The following SZT2 variants were observed in gnomAD, a reference collection of about 807,000 sequenced individuals.
SZT2 encodes the protein KICSTOR complex protein SZT2.
Under a neutral mutation model 404.2 loss-of-function variants are expected in SZT2, and 216 were observed. The ratio of observed to expected loss-of-function variants is 0.53; its 90% confidence interval spans 0.48 to 0.60. The LOEUF (loss-of-function observed/expected upper bound fraction) is 0.60, where lower values mean the gene tolerates loss of function less well. Ranked by LOEUF, SZT2 falls within the 20% of genes least tolerant of loss-of-function variation. The pLI is 0.00. For synonymous variants in SZT2, 1,693 were observed against 1,749.9 expected (o/e 0.97, Z 0.81); for missense variants, 3,857 against 4,459.2 (o/e 0.86, Z 3.85).
intron 1 of SZT2, among the ~76,000 whole-genome samples, chr1:43,399,771 A>AT (rs911807615): frequency 2.0e-5 from 3 of 151,234 alleles, no homozygotes; most frequent in African/African-American, 7.3e-5. Context: ...ACCAGAGGGA[A>AT]TTTTTTTTAA....
intron 1 of SZT2, among the ~76,000 whole-genome samples, 197 bp from the exon 2 acceptor site, chr1:43,402,980 G>A (rs925695969): frequency 1.3e-5 from 2 of 152,078 alleles, no homozygotes; most frequent in African/African-American, 4.8e-5. Context: ...GGTCTGTATC[G>A]GGCAAACAGG....
chr1:43,404,241 T>A, intron 3 of SZT2, 139 bp from the exon 4 acceptor site: 2 of 716,250 alleles, frequency 2.8e-6, no homozygotes, highest in South Asian at 4.1e-5. Context: ...CCCCAGAAAC[T>A]GTTCCATGTG....
At chr1:43,447,317 C>T (rs1655794697) in intron 66 of SZT2, 149 bp downstream of exon 66, 2 of 1,124,760 alleles carry the variant, frequency 1.8e-6, no homozygotes, top group Admixed American at 2.3e-5. Flanking sequence ...ATGTTTCTGT[C>T]CTGTGTCTGT....
chr1:43,453,068 G>T lies in SZT2; in HGVS notation c.*2588G>T. The T allele has an allele frequency of 1.0e-6, 1 of 956,890 alleles. No individual in the cohort carries two copies. Among genetic ancestry groups the T allele is most frequent in the Non-Finnish European group, 1.7e-6 (1 of 602,360 alleles). The allele number at this position is 956,890 out of a possible 1,614,324, so 59.3% of individuals were successfully genotyped here. ...TTCTCTGATCCAGACAGGGTTAGGT[G>T]CCTACCCTGCTCCCACAGCTTCCTG... On this transcript the variant is annotated 3_prime_UTR_variant, in exon 72 of 72. Transcript: ENST00000634258.
At chr1:43,391,777 A>T (rs1648356350) in intron 1 of SZT2, among the ~76,000 whole-genome samples, 1 of 144,654 alleles carries the variant, frequency 6.9e-6, no homozygotes, top group African/African-American at 2.6e-5. Flanking sequence ...ATTTTCTGAT[A>T]GCCACATAAA....
chr1:43,432,705 A>G, intron 38 of SZT2, 23 bp from the exon 39 acceptor site: 1 of 1,613,804 alleles, frequency 6.2e-7, no homozygotes. Flanking sequence ...GAGAGGCTCC[A>G]GGCATTTTCC....
chr1:43,437,034 A>C lies in SZT2; in HGVS notation c.6035-137A>C. The C allele has an allele frequency of 8.4e-7, 1 of 1,194,028 alleles. No homozygotes were observed. The highest frequency in any genetic ancestry group is 1.4e-5 in the South Asian group (1 of 69,948). The allele number at this position is 1,194,028 out of a possible 1,614,324, so 74.0% of individuals were successfully genotyped here. On this transcript the variant is annotated intron_variant, in intron 42 of 71. Coordinates refer to ENST00000634258, the MANE Select transcript of SZT2 (RefSeq NM_001365999.1). This position sits in a 1 kb window ranked among gnomAD's most constrained non-coding sequence, Gnocchi z 5.3. ...TGCCTGGCCCTGTCGTGTTACCCAG[A>C]ATGATCATCATTTCTCTGCAATAGT...
chr1:43,428,825 T>C, intron 28 of SZT2: 1 of 267,344 alleles, frequency 3.7e-6, no homozygotes, highest in South Asian at 6.1e-5. Context: ...ATCTGTGAAT[T>C]TCATGGGGGC....
intron 1 of SZT2, chr1:43,394,183 G>T: frequency 8.3e-5 from 30 of 362,980 alleles, no homozygotes; most frequent in Non-Finnish European, 1.1e-4. Flanking sequence ...TTGTTAGAAT[G>T]TAGATTCTGG....
In SZT2 at chr1:43,428,050, C is replaced by G; in HGVS notation, c.3851C>G (p.Pro1284Arg). 6.2e-7 allele frequency: 1 copy of G among 1,614,164 alleles called. No individual in the cohort carries two copies. The highest frequency in any genetic ancestry group is 8.5e-7 in the Non-Finnish European group (1 of 1,180,030). The change falls in exon 27 of 72, where the codon CCC (proline) becomes CGC (arginine). Residue 1284 changes from proline to arginine, a missense_variant. Physicochemically the swap from Pro to Arg is moderately radical, Grantham distance 103. Coordinates refer to ENST00000634258, the MANE Select transcript of SZT2 (RefSeq NM_001365999.1). ...HPSPSSAWME[P>R]RYKEAANHCA... ...TCCCCATCCTCAGCCTGGATGGAACCCCGGTACAAGGAGGCAGCTAACCAC... is the reference window on the plus strand; with the variant it reads ...TCCCCATCCTCAGCCTGGATGGAACGCCGGTACAAGGAGGCAGCTAACCAC...
chr1:43,411,325 G>T (rs1364043297), intron 4 of SZT2, among the ~76,000 whole-genome samples: 1 of 152,206 alleles, frequency 6.6e-6, no homozygotes, highest in African/African-American at 2.4e-5. Context: ...GGCCAGAGGG[G>T]GCAGCTGGCA....
At chr1:43,407,827 C>CT (rs1273177130) in intron 4 of SZT2, among the ~76,000 whole-genome samples, 3,211 of 94,468 alleles carry the variant, frequency 0.034, 73 homozygotes, top group Non-Finnish European at 0.045. Flanking sequence ...AAATTCTAAC[C>CT]TTTTTTTTTT....
intron 4 of SZT2, chr1:43,406,291 T>C: frequency 3.5e-6 from 1 of 287,258 alleles, no homozygotes. Context: ...AGAGACAGGG[T>C]TTCACCATGT....
chr1:43,442,565 C>G lies in SZT2; in HGVS notation c.8098C>G (p.Leu2700Val). 6.2e-7 allele frequency: 1 copy of G among 1,613,750 alleles called. No homozygotes were observed. Among genetic ancestry groups the G allele is most frequent in the Non-Finnish European group, 8.5e-7 (1 of 1,179,816 alleles). The part of the protein sequence containing the change: ...HLIFCLLSQK[L>V]GLFHHYGQLD... ...CATCTTCTGCCTACTCAGCCAGAAG[C>G]TTGGCCTCTTCCATCATTATGGCCA... The change falls in exon 58 of 72, where the codon CTT becomes GTT. Residue 2700 changes from leucine (L) to valine (V), a missense_variant. Around this residue, in one of 7 missense-constraint regions of SZT2, gnomAD observed 573 missense variants for 592.4 expected, o/e 0.97. Transcript: ENST00000634258. The surrounding 1 kb of genome is among the most constrained non-coding windows in gnomAD (Gnocchi z 4.5).
In SZT2 at chr1:43,428,374, G is replaced by T. The variant is rs147607647; in HGVS notation, c.4054G>T (p.Gly1352Cys). Residue 1352 changes from glycine (G) to cysteine (C), a missense_variant, in exon 28 of 72, where the codon GGT (glycine) becomes TGT (cysteine). Transcript: ENST00000634258. The stretch of plus-strand genomic sequence containing the variant: ...CCTTGCATTGTGTGGCCACACTTGG[G>T]GTTTGCCTCATGCACCCCCAAGTCC... Reference protein sequence around the residue: ...FLLALCGHTWGLPHAPPSPGP... With the variant: ...FLLALCGHTWCLPHAPPSPGP... 1.8e-5 allele frequency: 29 copies of T among 1,614,022 alleles called. No homozygotes were observed. The highest frequency in any genetic ancestry group is 2.4e-5 in the Non-Finnish European group (28 of 1,180,034).
Position 43,425,424 on chromosome 1 carries a change from A to G in SZT2, c.2646-50A>G, listed in dbSNP as rs377222976. The stretch of plus-strand genomic sequence containing the variant: ...CTGCCTCCTTCCCTCCATGAGGTTC[A>G]CTCCCTGCCATGAGGCTGTGCATTG... On this transcript the variant is annotated intron_variant, in intron 18 of 71. Transcript: ENST00000634258. The surrounding 1 kb of genome is among the most constrained non-coding windows in gnomAD (Gnocchi z 4.3). 2.7e-4 allele frequency: 426 copies of G among 1,607,088 alleles called. No homozygotes were observed. Among genetic ancestry groups the G allele is most frequent in the Non-Finnish European group, 3.5e-4 (411 of 1,175,806 alleles).
At position 43,450,670 on chromosome 1, in the gene SZT2, A is replaced by C; in HGVS notation, c.*190A>C. ...CTGGCAGCAGGAACCGCCCTCCCCA[A>C]ACACCCACAGCCACTGACCCATCCA... On this transcript the variant is annotated 3_prime_UTR_variant, in exon 72 of 72. Coordinates refer to ENST00000634258, the MANE Select transcript of SZT2 (RefSeq NM_001365999.1). The surrounding 1 kb of genome is among the most constrained non-coding windows in gnomAD (Gnocchi z 4.3). The C allele has an allele frequency of 2.3e-6, 2 of 851,106 alleles. No individual in the cohort carries two copies. Among genetic ancestry groups the C allele is most frequent in the Non-Finnish European group, 3.7e-6 (2 of 547,460 alleles). 52.7% of individuals were successfully genotyped at this position (851,106 alleles called of 1,614,324 possible).
intron 4 of SZT2, chr1:43,405,670 G>A (rs141371639): frequency 4.6e-5 from 7 of 152,316 alleles, no homozygotes; most frequent in Non-Finnish European, 7.3e-5. Context: ...CCCAGGGCAG[G>A]GATTGCCAGC....
intron 1 of SZT2, among the ~76,000 whole-genome samples, chr1:43,401,617 C>T (rs895585526): frequency 1.4e-4 from 22 of 152,036 alleles, no homozygotes; most frequent in Non-Finnish European, 2.6e-4. Context: ...TCCCAAGTAG[C>T]TGGGATTACA....
Sources: gnomAD v4.1 joint callset for allele counts (sites outside exome capture counted in the v4.1 genomes callset) on GRCh38, gnomAD v4.1.1 for gene constraint, gnomAD v4.1.1 regional missense constraint, Gnocchi (gnomAD v3.1) non-coding constraint, MANE v1.5 for transcripts, NCBI Gene and HGNC (gene_info 2026-07-23, HGNC 2026-07-21) for gene names.